Variants in SLC25A33 observed in about 807,000 individuals in gnomAD.
SLC25A33 encodes the protein solute carrier family 25 member 33, also known as bone marrow stromal cell mitochondrial carrier protein.
In SLC25A33, 15 loss-of-function variants were observed where a neutral mutation model predicts 35.5. The observed-to-expected ratio is 0.42, with a 90% CI of 0.28 to 0.65. SLC25A33 has a LOEUF of 0.65. SLC25A33 is among the 30% of genes least tolerant of loss of function. The pLI is 0.20. For synonymous variants in SLC25A33, 136 were observed against 148.7 expected (o/e 0.91, Z 0.62); for missense variants, 257 against 398.5 (o/e 0.64, Z 3.02).
intron 1 of SLC25A33, among the ~76,000 whole-genome samples, chr1:9,550,022 T>A (rs1362816552): frequency 0.01 from 1,115 of 109,938 alleles, 53 homozygotes; most frequent in African/African-American, 0.038. Flanking sequence ...TTTTTTTTTT[T>A]TTTTTTTTTT....
chr1:9,580,384 G>T, intron 6 of SLC25A33, 150 bp downstream of exon 6: 1 of 1,014,458 alleles, frequency 9.9e-7, no homozygotes. Flanking sequence ...TAACCGCATG[G>T]ACAGAGGTCA....
intron 5 of SLC25A33, chr1:9,576,859 T>C: frequency 8.0e-7 from 1 of 1,247,014 alleles, no homozygotes; most frequent in Admixed American, 1.8e-5. Flanking sequence ...TTGAAGGAAA[T>C]GACATCGAGC....
At position 9,570,952 on chromosome 1, in the gene SLC25A33, A is replaced by T. The variant is rs143069789; in HGVS notation, c.415+594A>T. The stretch of plus-strand genomic sequence containing the variant: ...GATCTCAAACTCCTGACCTCAAGTG[A>T]TCCACCCTCCTCGGCCTCCCAGAGT... On this transcript the variant is annotated intron_variant, in intron 4 of 6. Coordinates refer to ENST00000302692, the MANE Select transcript of SLC25A33 (RefSeq NM_032315.3). Among the ~76,000 whole-genome samples the T allele has an allele frequency of 5.1e-3, 783 of 152,132 alleles. 21 individuals are homozygous for T. Among genetic ancestry groups the T allele is most frequent in the Admixed American group, 0.033 (506 of 15,262 alleles).
chr1:9,543,974 G>T (rs1034785394), intron 1 of SLC25A33, among the ~76,000 whole-genome samples: 2 of 151,966 alleles, frequency 1.3e-5, no homozygotes, highest in African/African-American at 4.8e-5. Context: ...GCATGGTGGT[G>T]CATGCCTGTA....
intron 4 of SLC25A33, among the ~76,000 whole-genome samples, chr1:9,571,825 G>GCC: frequency 2.0e-5 from 3 of 152,022 alleles, no homozygotes; most frequent in Admixed American, 1.3e-4. Context: ...ATTTTTTGTA[G>GCC]AAATGGAGTT....
chr1:9,576,987 A>G, intron 5 of SLC25A33: 1 of 1,188,872 alleles, frequency 8.4e-7, no homozygotes, highest in Non-Finnish European at 1.2e-6. Flanking sequence ...GATGAATAAG[A>G]TCTAAGAGTT....
intron 5 of SLC25A33, chr1:9,576,381 C>T: frequency 2.8e-6 from 1 of 360,300 alleles, no homozygotes; most frequent in Non-Finnish European, 5.4e-6. Flanking sequence ...CACCCAACTC[C>T]CATCTTAAGA....
At chr1:9,576,411 C>T (rs190235512) in intron 5 of SLC25A33, 10 of 357,166 alleles carry the variant, frequency 2.8e-5, no homozygotes, top group African/African-American at 1.7e-4. Context: ...TGGGCTTTGC[C>T]GTGTCTACTG....
intron 2 of SLC25A33, among the ~76,000 whole-genome samples, chr1:9,559,512 TA>T (rs1458661403): frequency 1.3e-5 from 2 of 151,720 alleles, no homozygotes; most frequent in Non-Finnish European, 2.9e-5. Flanking sequence ...TTTTTAACCT[TA>T]AAGTCTTTTA....
chr1:9,566,821 G>A (rs1222191936), intron 2 of SLC25A33, among the ~76,000 whole-genome samples: 3 of 152,014 alleles, frequency 2.0e-5, no homozygotes, highest in African/African-American at 7.3e-5. Flanking sequence ...ACTCCAGCCT[G>A]GGCAACAAGA....
chr1:9,558,500 A>T (rs917944606), intron 2 of SLC25A33, among the ~76,000 whole-genome samples: 1 of 152,178 alleles, frequency 6.6e-6, no homozygotes, highest in Admixed American at 6.5e-5. Context: ...TGCCTGTTTG[A>T]CAGCTTGGAT....
chr1:9,552,368 G>C (rs116486522), intron 1 of SLC25A33, among the ~76,000 whole-genome samples: 47 of 152,040 alleles, frequency 3.1e-4, no homozygotes, highest in African/African-American at 1.1e-3. Flanking sequence ...GGCATTACAG[G>C]CATGTGCCAC....
At chr1:9,576,587 C>T (rs1013786709) in intron 5 of SLC25A33, 1 of 568,092 alleles carries the variant, frequency 1.8e-6, no homozygotes, top group African/African-American at 1.9e-5. Context: ...TGGAGTGCCA[C>T]ACGGTGGGGT....
At chr1:9,553,039 G>A (rs1643288038) in intron 1 of SLC25A33, among the ~76,000 whole-genome samples, 1 of 146,220 alleles carries the variant, frequency 6.8e-6, no homozygotes, top group South Asian at 2.2e-4. Context: ...TTACAGGCAT[G>A]CACCACCATG....
At chr1:9,564,739 A>AAAAATATATATATATAT (rs60174872) in intron 2 of SLC25A33, among the ~76,000 whole-genome samples, 11 of 96,538 alleles carry the variant, frequency 1.1e-4, no homozygotes, top group African/African-American at 4.9e-4. Flanking sequence ...AAAAAAAAAA[A>AAAAATATATATATATAT]ATATATATAT....
chr1:9,558,989 C>T (rs1187169258), intron 2 of SLC25A33, among the ~76,000 whole-genome samples: 1 of 152,156 alleles, frequency 6.6e-6, no homozygotes, highest in Non-Finnish European at 1.5e-5. Context: ...CTCCTATTTT[C>T]CCCTTTGCCT....
intron 5 of SLC25A33, among the ~76,000 whole-genome samples, chr1:9,579,197 AG>A (rs1234665682): frequency 6.6e-6 from 1 of 152,224 alleles, no homozygotes; most frequent in Admixed American, 6.5e-5. Flanking sequence ...CCAAATGTGT[AG>A]GGGGTTTTCC....
At chr1:9,572,077 T>C (rs1030807351) in intron 4 of SLC25A33, among the ~76,000 whole-genome samples, 2 of 152,212 alleles carry the variant, frequency 1.3e-5, no homozygotes, top group African/African-American at 4.8e-5. Flanking sequence ...TCTGAATATT[T>C]ATAGCTAATT....
At chr1:9,562,919 CTTT>C (rs370570053) in intron 2 of SLC25A33, among the ~76,000 whole-genome samples, 6 of 126,724 alleles carry the variant, frequency 4.7e-5, no homozygotes, top group Admixed American at 8.0e-5. Flanking sequence ...AAAATAATAG[CTTT>C]TTTTTTTTTT....
Sources: allele counts gnomAD v4.1 joint callset (sites outside exome capture counted in the v4.1 genomes callset), GRCh38; gene constraint gnomAD v4.1.1; transcripts MANE v1.5; gene names NCBI Gene and HGNC (gene_info 2026-07-23, HGNC 2026-07-21).